The following FBXO34 variants were observed in gnomAD, a reference collection of about 807,000 sequenced individuals.
The protein encoded by FBXO34 is F-box protein 34.
A neutral mutation model predicts 24.5 loss-of-function variants in FBXO34; 12 were observed. The ratio of observed to expected loss-of-function variants is 0.49; its 90% CI spans 0.31 to 0.79. The LOEUF (loss-of-function observed/expected upper bound fraction) is 0.79. FBXO34 is among the 30% of genes least tolerant of loss of function. The pLI, the probability that FBXO34 is intolerant of heterozygous loss-of-function variation, is 0.04. For synonymous variants in FBXO34, 320 were observed against 311.9 expected, an observed-to-expected ratio of 1.03 and a Z score of -0.27; for missense variants, 823 against 857.7, an observed-to-expected ratio of 0.96 and a Z score of 0.51.
At chr14:55,371,720 T>C (rs952837273), downstream of FBXO34, among the ~76,000 whole-genome samples, 4 of 151,994 alleles carry the variant, frequency 2.6e-5, no homozygotes, top group Non-Finnish European at 4.4e-5. Context: ...AGGAGAACGG[T>C]GTGAACCCCA....
the FBXO34 span, chr14:55,378,098 T>C: frequency 6.3e-7 from 1 of 1,597,942 alleles, no homozygotes; most frequent in Non-Finnish European, 8.6e-7. Context: ...ATACAATTTA[T>C]AAAGTTGCAT....
At chr14:55,382,008 A>G in the FBXO34 span, 2 of 1,614,196 alleles carry the variant, frequency 1.2e-6, no homozygotes, top group Non-Finnish European at 1.7e-6. Context: ...TGTAGTAGGC[A>G]GAGTAGTCCC....
At chr14:55,387,390 C>T in the FBXO34 span, among the ~76,000 whole-genome samples, 1 of 152,108 alleles carries the variant, frequency 6.6e-6, no homozygotes, top group Non-Finnish European at 1.5e-5. Flanking sequence ...TCTATTTGCT[C>T]CTGTTTTCTA....
Position 55,350,660 on chromosome 14 carries a change from T to G in FBXO34, c.270T>G (p.Asn90Lys). ...ESSLNVKTKK[N>K]APSATIHQGE... ...GCTTGAATGTTAAAACCAAAAAGAA[T>G]GCACCATCTGCAACGATCCACCAGG... Residue 90 changes from asparagine (N) to lysine (K), a missense_variant, in exon 2 of 2, where the codon AAT (asparagine) becomes AAG (lysine). Coordinates refer to ENST00000313833, the MANE Select transcript of FBXO34 (RefSeq NM_017943.4). The G allele has an allele frequency of 6.2e-7, 1 of 1,613,666 alleles. No homozygotes were observed. The highest frequency in any genetic ancestry group is 8.5e-7 in the Non-Finnish European group (1 of 1,179,912).
chr14:55,346,878 TG>T (rs1884176711), intron 1 of FBXO34, among the ~76,000 whole-genome samples: 1 of 152,208 alleles, frequency 6.6e-6, no homozygotes. Flanking sequence ...ACTGTCTGCT[TG>T]GCATTTTGTT....
intron 1 of FBXO34, among the ~76,000 whole-genome samples, chr14:55,334,441 C>T (rs984707008): frequency 3.3e-5 from 5 of 150,468 alleles, no homozygotes; most frequent in African/African-American, 9.8e-5. Flanking sequence ...CAGGGTAGAA[C>T]CTGGGAAGTG....
At chr14:55,437,090 C>A in the FBXO34 span, 1 of 1,345,222 alleles carries the variant, frequency 7.4e-7, no homozygotes. Context: ...AGGGATGTCA[C>A]TATGGCAGGC....
intron 1 of FBXO34, among the ~76,000 whole-genome samples, chr14:55,297,934 A>T (rs1882197363): frequency 6.6e-6 from 1 of 152,224 alleles, no homozygotes; most frequent in Non-Finnish European, 1.5e-5. Context: ...CTGACCGTCC[A>T]CTTCTTGGAC....
chr14:55,437,686 T>A, the FBXO34 span, among the ~76,000 whole-genome samples: 5 of 152,374 alleles, frequency 3.3e-5, no homozygotes, highest in East Asian at 9.6e-4. Context: ...AGATATACTG[T>A]ATTATTTAAG....
chr14:55,333,267 G>C (rs1161564769), intron 1 of FBXO34, among the ~76,000 whole-genome samples: 3 of 152,190 alleles, frequency 2.0e-5, no homozygotes, highest in African/African-American at 7.2e-5. Flanking sequence ...TTTTTGTTGA[G>C]GGAGTTTTGT....
the FBXO34 span, chr14:55,440,684 G>C: frequency 9.9e-7 from 1 of 1,014,170 alleles, no homozygotes; most frequent in Non-Finnish European, 1.4e-6. Context: ...AAGCGGAGAT[G>C]GGCTAGGGGT....
downstream of FBXO34, among the ~76,000 whole-genome samples, chr14:55,357,161 G>GT (rs1447081368): frequency 1.3e-5 from 2 of 152,198 alleles, no homozygotes; most frequent in African/African-American, 4.8e-5. Context: ...AAACCCTTGG[G>GT]TAACATCCAG....
intron 1 of FBXO34, among the ~76,000 whole-genome samples, chr14:55,285,035 T>TAAA (rs774105315): frequency 3.7e-5 from 5 of 136,840 alleles, no homozygotes; most frequent in South Asian, 4.8e-4. Context: ...CAGGTGAGGT[T>TAAA]AAAAAAAAAA....
chr14:55,355,669 T>C (rs1594770322), downstream of FBXO34, among the ~76,000 whole-genome samples: 1 of 152,302 alleles, frequency 6.6e-6, no homozygotes, highest in African/African-American at 2.4e-5. Flanking sequence ...TACTAAGCCA[T>C]TTTCCATCAG....
intron 1 of FBXO34, among the ~76,000 whole-genome samples, chr14:55,327,377 C>T (rs1883373444): frequency 1.3e-5 from 2 of 152,124 alleles, no homozygotes; most frequent in African/African-American, 2.4e-5. Context: ...GGAACTTCCC[C>T]TTTTATAAGA....
the FBXO34 span, among the ~76,000 whole-genome samples, chr14:55,375,168 A>C: frequency 6.6e-6 from 1 of 152,230 alleles, no homozygotes; most frequent in East Asian, 1.9e-4. Context: ...TGGAATAAAA[A>C]TAAGCTTCAT....
intron 1 of FBXO34, among the ~76,000 whole-genome samples, chr14:55,320,662 G>GC (rs780244831): frequency 7.9e-5 from 12 of 152,318 alleles, no homozygotes; most frequent in Non-Finnish European, 1.6e-4. Context: ...GGAGGCTGAG[G>GC]CAGGAGAATG....
chr14:55,405,891 G>GT, the FBXO34 span, among the ~76,000 whole-genome samples: 7 of 151,910 alleles, frequency 4.6e-5, no homozygotes, highest in Non-Finnish European at 1.0e-4. Context: ...TGGGGTGGCG[G>GT]GGGGGGCAGG....
At chr14:55,385,268 C>T in the FBXO34 span, among the ~76,000 whole-genome samples, 1 of 152,056 alleles carries the variant, frequency 6.6e-6, no homozygotes, top group African/African-American at 2.4e-5. Context: ...GGCCCAATAC[C>T]ACCCATCAGA....
Sources: gnomAD v4.1 joint callset for allele counts (sites outside exome capture counted in the v4.1 genomes callset) on GRCh38, gnomAD v4.1.1 for gene constraint, MANE v1.5 for transcripts, NCBI Gene and HGNC (gene_info 2026-07-23, HGNC 2026-07-21) for gene names.